DENND5A: variants seen among roughly 807,000 people sequenced by gnomAD.
DENND5A encodes DENN domain-containing protein 5A.
In DENND5A, 64 loss-of-function variants were observed where a neutral mutation model predicts 140.3. The observed-to-expected ratio is 0.46, with a 90% CI of 0.37 to 0.56. DENND5A has a LOEUF of 0.56. Ranked by LOEUF, DENND5A falls within the 20% of genes least tolerant of loss-of-function variation. The probability of loss-of-function intolerance (pLI) is 0.00; values close to 1 mark genes in which losing one functional copy is unlikely to be tolerated. For synonymous variants in DENND5A, 605 were observed against 607.7 expected (o/e 1.00, Z 0.07); for missense variants, 1,292 against 1,593.8 (o/e 0.81, Z 3.22).
Position 9,261,648 on chromosome 11 carries a change from C to T in DENND5A, c.109+3313G>A, listed in dbSNP as rs528218008. Reference sequence around the variant, plus strand: ...CAAAAATTAGCCTGATGTGGTGGCACGCGCGGCTCATAATCCCAGCTACTC... The same window carrying T: ...CAAAAATTAGCCTGATGTGGTGGCATGCGCGGCTCATAATCCCAGCTACTC... On this transcript the variant is annotated intron_variant, in intron 1 of 22. Coordinates refer to ENST00000328194, the MANE Select transcript of DENND5A (RefSeq NM_015213.4). Among the ~76,000 whole-genome samples, 16 of 151,926 alleles carry T rather than the reference C, an allele frequency of 1.1e-4. No individual in the cohort carries two copies. In the East Asian group the frequency reaches 1.4e-3, roughly 13 times the overall value.
In DENND5A at chr11:9,193,557, T is replaced by C. The variant is rs1445031280; in HGVS notation, c.1074A>G (p.Pro358=). ...CATTGGAATGCAAACCCATCAGGTA[T>C]GGAACAGGAGCATCTAAGAAATGCA... ...SLLHFLDAPV[P]YLMGLHSNGL... is the part of the protein sequence containing the mutation. The change falls in exon 5 of 23, where the codon CCA becomes CCG. Residue 358 remains proline (P), a synonymous_variant. Transcript: ENST00000328194. 2 of 1,613,788 alleles carry C rather than the reference T, an allele frequency of 1.2e-6. No homozygotes were observed. Among genetic ancestry groups the C allele is most frequent in the African/African-American group, 1.3e-5 (1 of 74,938 alleles).
intron 1 of DENND5A, among the ~76,000 whole-genome samples, chr11:9,259,255 C>T (rs1054682364): frequency 6.6e-6 from 1 of 151,270 alleles, no homozygotes; most frequent in African/African-American, 2.4e-5. Flanking sequence ...AGCAAAACTC[C>T]ATCTCAAAAA....
At chr11:9,257,856 C>G (rs1185351144) in intron 1 of DENND5A, among the ~76,000 whole-genome samples, 1 of 148,026 alleles carries the variant, frequency 6.8e-6, no homozygotes, top group Non-Finnish European at 1.5e-5. Context: ...GCAGTGACGC[C>G]ATCTTGGCTC....
intron 1 of DENND5A, among the ~76,000 whole-genome samples, chr11:9,225,535 C>T (rs981320250): frequency 1.3e-5 from 2 of 151,974 alleles, no homozygotes; most frequent in Non-Finnish European, 2.9e-5. Flanking sequence ...TGAAGCCAGC[C>T]GATCACTTGT....
At chr11:9,178,473 G>C in intron 7 of DENND5A, 107 bp from the exon 8 acceptor site, 2 of 649,718 alleles carry the variant, frequency 3.1e-6, no homozygotes, top group Non-Finnish European at 5.2e-6. Context: ...AGGTCTTTAA[G>C]AATACCAAGC....
intron 5 of DENND5A, among the ~76,000 whole-genome samples, chr11:9,190,833 A>G (rs555078450): frequency 2.6e-4 from 39 of 152,214 alleles, no homozygotes; most frequent in Non-Finnish European, 3.4e-4. Context: ...TACTATGAAC[A>G]TGTCATTTCT....
At chr11:9,207,928 C>T (rs760962842) in intron 1 of DENND5A, among the ~76,000 whole-genome samples, 9 of 152,166 alleles carry the variant, frequency 5.9e-5, no homozygotes, top group East Asian at 1.9e-4. Context: ...TATAGTAGAA[C>T]GAAGAGCTCA....
rs1564894479 is a variant in DENND5A, at chr11:9,170,977, T to TCTGG, written c.1907-201_1907-200insCCAG. On this transcript the variant is annotated intron_variant, in intron 8 of 22. Transcript: ENST00000328194. ...ATGATAAACTTCAGAATACTGGACATCAGGCAATGAAGGGCAGGACCCTGA... is the reference window on the plus strand; with the variant it reads ...ATGATAAACTTCAGAATACTGGACATCTGGCAGGCAATGAAGGGCAGGACCCTGA... 5 of 908,334 alleles carry TCTGG rather than the reference T, an allele frequency of 5.5e-6. No individual in the cohort carries two copies. In the East Asian group the frequency reaches 1.4e-4, roughly 26 times the overall value. The allele number at this position is 908,334 out of a possible 1,614,324, so 56.3% of individuals were successfully genotyped here. A position where few individuals can be genotyped will look rare whatever the true frequency, so the allele number is the denominator to read the frequency against.
intron 18 of DENND5A, 42 bp from the exon 19 acceptor site, chr11:9,144,320 C>G: frequency 6.2e-7 from 1 of 1,602,866 alleles, no homozygotes; most frequent in Non-Finnish European, 8.5e-7. Flanking sequence ...CCAGCTCCTC[C>G]CTGCTGCTCA....
Position 9,143,463 on chromosome 11 carries a change from C to T in DENND5A, c.3327G>A (p.Gln1109=), listed in dbSNP as rs1847316568. The T allele has an allele frequency of 6.2e-7, 1 of 1,614,054 alleles. No individual in the cohort carries two copies. The highest frequency in any genetic ancestry group is 1.3e-5 in the African/African-American group (1 of 74,938). The change falls in exon 20 of 23, where the codon CAG becomes CAA. Residue 1109 remains glutamine, a synonymous_variant. Transcript: ENST00000328194. ...CATTGACTGCCTCCCCGATGGACTC[C>T]TGGATCTGCCCAGTGTTCAGCTCTA... ...NKPKLNTGQI[Q]ESIGEAVNGI...
At chr11:9,241,587 G>C (rs1006621107) in intron 1 of DENND5A, among the ~76,000 whole-genome samples, 9 of 152,144 alleles carry the variant, frequency 5.9e-5, no homozygotes, top group Non-Finnish European at 1.3e-4. Context: ...CCTAGCTTAT[G>C]GCCCTCGCAC....
At chr11:9,170,067 G>A in intron 9 of DENND5A, 118 bp from the exon 10 acceptor site, 3 of 865,986 alleles carry the variant, frequency 3.5e-6, no homozygotes, top group South Asian at 3.0e-5. Context: ...AAATGACCTA[G>A]ATGTCACCAG....
chr11:9,222,170 C>T (rs1324230909), intron 1 of DENND5A, among the ~76,000 whole-genome samples: 2 of 152,226 alleles, frequency 1.3e-5, no homozygotes, highest in Non-Finnish European at 2.9e-5. Context: ...GTATCTATCA[C>T]CTAGCTTTAG....
At chr11:9,170,337 C>G in intron 9 of DENND5A, 1 of 963,690 alleles carries the variant, frequency 1.0e-6, no homozygotes, top group Non-Finnish European at 1.2e-6. Context: ...ACAATGCTAG[C>G]TTGCTGTTGA....
At chr11:9,147,934 G>A (rs1452965268) in intron 15 of DENND5A, among the ~76,000 whole-genome samples, 1 of 152,166 alleles carries the variant, frequency 6.6e-6, no homozygotes, top group Admixed American at 6.5e-5. Flanking sequence ...CAATCACCAT[G>A]GCCAGACGGG....
At chr11:9,207,369 A>C (rs1348365650) in intron 2 of DENND5A, among the ~76,000 whole-genome samples, 192 bp downstream of exon 2, 2 of 152,176 alleles carry the variant, frequency 1.3e-5, no homozygotes, top group Non-Finnish European at 2.9e-5. Flanking sequence ...AGTATATTGA[A>C]ATAACAACAT....
At chr11:9,143,586 G>C (rs1481245010) in intron 19 of DENND5A, 101 bp from the exon 20 acceptor site, 1 of 973,004 alleles carries the variant, frequency 1.0e-6, no homozygotes, top group African/African-American at 1.6e-5. Context: ...CCATAGGAGA[G>C]GCAGGGCAGC....
intron 4 of DENND5A, among the ~76,000 whole-genome samples, chr11:9,198,168 T>C (rs751862416): frequency 6.6e-5 from 10 of 152,176 alleles, no homozygotes; most frequent in Non-Finnish European, 1.2e-4. Context: ...AAAGACTCAG[T>C]AGTACAAAGT....
At chr11:9,191,428 T>C (rs370535493) in intron 5 of DENND5A, among the ~76,000 whole-genome samples, 1 of 152,054 alleles carries the variant, frequency 6.6e-6, no homozygotes, top group South Asian at 2.1e-4. Flanking sequence ...TTAGTAGAGA[T>C]GGAGTTTCAC....
Sources: gnomAD v4.1 joint callset for allele counts (sites outside exome capture counted in the v4.1 genomes callset) on GRCh38, gnomAD v4.1.1 for gene constraint, MANE v1.5 for transcripts, NCBI Gene and HGNC (gene_info 2026-07-23, HGNC 2026-07-21) for gene names.